Variants in KLF8 observed in about 807,000 individuals in gnomAD.
The protein encoded by KLF8 is KLF transcription factor 8.
In KLF8, 10 loss-of-function variants were observed where a neutral mutation model predicts 18.2. That is an observed-to-expected ratio of 0.55 (90% CI 0.34 to 0.93). The LOEUF (loss-of-function observed/expected upper bound fraction) is 0.93. Among genes scored for constraint, KLF8 ranks in the 40% least tolerant of loss-of-function variants. KLF8 has a pLI of 0.02. For missense variants in KLF8, 264 were observed against 277.9 expected (o/e 0.95, Z 0.36); for synonymous variants, 109 against 97.3 (o/e 1.12, Z -0.71).
At chrX:56,279,351 G>A (rs898443656) in intron 5 of KLF8, among the ~76,000 whole-genome samples, 1 of 111,555 alleles carries the variant, frequency 9.0e-6, no homozygotes, top group Non-Finnish European at 1.9e-5. Context: ...TACAAGTGCA[G>A]TTTTGTTACA....
At chrX:55,967,264 G>T in the KLF8 span, among the ~76,000 whole-genome samples, 1 of 111,102 alleles carries the variant, frequency 9.0e-6, no homozygotes, top group Non-Finnish European at 1.9e-5. Flanking sequence ...AGTACAAGAA[G>T]GTTACAGAAC....
chrX:56,140,738 T>A, the KLF8 span, among the ~76,000 whole-genome samples: 6 of 95,486 alleles, frequency 6.3e-5, no homozygotes, highest in South Asian at 5.0e-4. Context: ...CCTGCACAAG[T>A]ACTAGCTCCA....
the KLF8 span, among the ~76,000 whole-genome samples, chrX:55,962,751 T>C: frequency 2.2e-4 from 25 of 112,570 alleles, 1 homozygote; most frequent in East Asian, 5.9e-3. Flanking sequence ...CTCAAAGAGT[T>C]TATACATGCA....
intron 2 of KLF8, among the ~76,000 whole-genome samples, chrX:56,251,696 C>G (rs1219391819): frequency 9.0e-6 from 1 of 110,719 alleles, no homozygotes; most frequent in East Asian, 2.9e-4. Context: ...CTCCTGACCT[C>G]ATGATCCGCC....
the KLF8 span, among the ~76,000 whole-genome samples, chrX:55,956,176 CTATCTATCTATCTATGT>C: frequency 9.5e-6 from 1 of 105,780 alleles, no homozygotes; most frequent in Non-Finnish European, 1.9e-5. Context: ...TATCATCTAT[CTATCTATCTATCTATGT>C]ATCTATCTAT....
the KLF8 span, among the ~76,000 whole-genome samples, chrX:55,911,319 A>C: frequency 9.0e-6 from 1 of 111,249 alleles, no homozygotes; most frequent in Non-Finnish European, 1.9e-5. Context: ...CCTGCAGTTC[A>C]AACCTGTGTT....
the KLF8 span, among the ~76,000 whole-genome samples, chrX:56,045,893 G>T: frequency 9.0e-6 from 1 of 111,713 alleles, no homozygotes; most frequent in East Asian, 2.8e-4. Flanking sequence ...TTGAATAGAA[G>T]TGGTGAAAGC....
the KLF8 span, among the ~76,000 whole-genome samples, chrX:56,038,763 T>G: frequency 1.8e-5 from 2 of 112,745 alleles, no homozygotes; most frequent in African/African-American, 6.4e-5. Flanking sequence ...GTTGTATTTC[T>G]GCCTCTAGGT....
the KLF8 span, among the ~76,000 whole-genome samples, chrX:56,197,616 A>T: frequency 3.6e-5 from 4 of 111,874 alleles, no homozygotes; most frequent in East Asian, 1.1e-3. Flanking sequence ...AACCAAAAAG[A>T]GTCTAGGACC....
the KLF8 span, among the ~76,000 whole-genome samples, chrX:56,146,374 A>G: frequency 8.9e-6 from 1 of 112,156 alleles, no homozygotes; most frequent in Admixed American, 9.5e-5. Flanking sequence ...ATGGAATACT[A>G]TGCAGCCATA....
At chrX:56,234,131 G>A (rs1347460358) in intron 1 of KLF8, among the ~76,000 whole-genome samples, 2 of 111,626 alleles carry the variant, frequency 1.8e-5, no homozygotes, top group Admixed American at 1.9e-4. Flanking sequence ...GGTGGCCAAA[G>A]GCACCATGTC....
chrX:56,155,655 C>CT, the KLF8 span, among the ~76,000 whole-genome samples: 2 of 111,161 alleles, frequency 1.8e-5, no homozygotes, highest in African/African-American at 3.3e-5. Flanking sequence ...AACATAGTAT[C>CT]TTTTTTTAAA....
At chrX:56,071,998 G>T in the KLF8 span, among the ~76,000 whole-genome samples, 7 of 111,770 alleles carry the variant, frequency 6.3e-5, no homozygotes, top group African/African-American at 1.9e-4. Flanking sequence ...GTCCTTAAGA[G>T]GTATGAAGTT....
chrX:56,222,914 G>A, the KLF8 span, among the ~76,000 whole-genome samples: 2 of 112,771 alleles, frequency 1.8e-5, no homozygotes, highest in Non-Finnish European at 3.8e-5. Context: ...GTGCAGTCCC[G>A]GTTCCCGCCT....
At chrX:55,960,635 A>AAGAAGG in the KLF8 span, among the ~76,000 whole-genome samples, 4 of 110,643 alleles carry the variant, frequency 3.6e-5, no homozygotes, top group South Asian at 3.9e-4. Context: ...AGAAAAGAAG[A>AAGAAGG]AGAAGGAGAA....
At chrX:56,001,738 C>G in the KLF8 span, among the ~76,000 whole-genome samples, 2 of 111,858 alleles carry the variant, frequency 1.8e-5, no homozygotes, top group Non-Finnish European at 3.8e-5. Flanking sequence ...TAAAAGTCAT[C>G]AGTGGCTTCC....
chrX:56,270,109 A>T, intron 4 of KLF8, 73 bp from the exon 5 acceptor site: 2 of 1,014,145 alleles, frequency 2.0e-6, no homozygotes, highest in Non-Finnish European at 2.7e-6. Context: ...TGTGGCACCA[A>T]TGAATGTAAA....
At chrX:55,929,650 CCAGGTTTGTCAAAGAT>C in the KLF8 span, among the ~76,000 whole-genome samples, 22 of 110,974 alleles carry the variant, frequency 2.0e-4, no homozygotes, top group African/African-American at 7.2e-4. Context: ...CTTGTTTTTG[CCAGGTTTGTCAAAGAT>C]CAGATGGTTG....
the KLF8 span, among the ~76,000 whole-genome samples, chrX:55,989,043 C>G: frequency 8.9e-6 from 1 of 111,826 alleles, no homozygotes; most frequent in East Asian, 2.8e-4. Flanking sequence ...GATTTTTGCA[C>G]ATTGATTTTG....
Sources: allele counts gnomAD v4.1 joint callset (sites outside exome capture counted in the v4.1 genomes callset), GRCh38; gene constraint gnomAD v4.1.1; transcripts MANE v1.5; gene names NCBI Gene and HGNC (gene_info 2026-07-23, HGNC 2026-07-21).